ZNF469: variants seen among roughly 807,000 people sequenced by gnomAD.
The protein encoded by ZNF469 is zinc finger protein 469.
ZNF469 carries 1 observed loss-of-function variant against 1.0 expected under a neutral mutation model. The ratio of observed to expected loss-of-function variants is 1.00; its 90% CI spans 0.35 to 4.73. The LOEUF (loss-of-function observed/expected upper bound fraction) is 4.73. Among genes scored for constraint, ZNF469 ranks in the 30% most tolerant of loss-of-function variants. The pLI is 0.16. For synonymous variants in ZNF469, 2,703 were observed against 2,363.4 expected (o/e 1.14, Z -4.17); for missense variants, 6,100 against 5,356.3 (o/e 1.14, Z -4.33).
the ZNF469 span, among the ~76,000 whole-genome samples, chr16:88,120,592 C>G: frequency 2.0e-5 from 3 of 152,222 alleles, no homozygotes; most frequent in Non-Finnish European, 4.4e-5. Flanking sequence ...GAGGCGAGAG[C>G]CCTCAACCAG....
chr16:88,265,015 G>A, the ZNF469 span, among the ~76,000 whole-genome samples: 1 of 152,014 alleles, frequency 6.6e-6, no homozygotes, highest in South Asian at 2.1e-4. Context: ...GATTTCCTCT[G>A]GCGCTGACCT....
At chr16:88,379,185 C>T (rs564977823), upstream of ZNF469, among the ~76,000 whole-genome samples, 6 of 152,274 alleles carry the variant, frequency 3.9e-5, no homozygotes, top group East Asian at 1.9e-4. Flanking sequence ...CAGGAAACCT[C>T]GCCCCCCGAG....
chr16:88,224,343 G>T, the ZNF469 span, among the ~76,000 whole-genome samples: 1,486 of 152,342 alleles, frequency 9.8e-3, 21 homozygotes, highest in African/African-American at 0.034. Context: ...GCACCGCGGG[G>T]CCCCGCAGGT....
chr16:88,117,573 C>CGGACCTTGGAGGTGCCACGTGCCTTCGG, the ZNF469 span, among the ~76,000 whole-genome samples: 2 of 22,200 alleles, frequency 9.0e-5, no homozygotes, highest in Non-Finnish European at 1.8e-4. Flanking sequence ...CGTGCCTTCA[C>CGGACCTTGGAGGTGCCACGTGCCTTCGG]GGACCGTGGA....
chr16:88,374,029 G>T, the ZNF469 span, among the ~76,000 whole-genome samples: 1 of 151,928 alleles, frequency 6.6e-6, no homozygotes, highest in Non-Finnish European at 1.5e-5. Context: ...GGCTTTAAGT[G>T]TCAGAGATAT....
At chr16:88,384,039 G>C (rs756539924) in intron 1 of ZNF469, among the ~76,000 whole-genome samples, 1 of 152,238 alleles carries the variant, frequency 6.6e-6, no homozygotes, top group East Asian at 1.9e-4. Context: ...GGCGGGGGCG[G>C]GGGGGCAGCT....
chr16:88,198,452 T>C, the ZNF469 span, among the ~76,000 whole-genome samples: 3 of 152,244 alleles, frequency 2.0e-5, no homozygotes, highest in East Asian at 3.8e-4. Context: ...ATTCTAGATC[T>C]GCACTGTCCA....
At chr16:88,297,530 G>A in the ZNF469 span, among the ~76,000 whole-genome samples, 4 of 152,170 alleles carry the variant, frequency 2.6e-5, no homozygotes, top group Non-Finnish European at 4.4e-5. Flanking sequence ...CACGGCACAC[G>A]GCAAGTGGGA....
At chr16:88,369,815 G>A in the ZNF469 span, among the ~76,000 whole-genome samples, 37 of 152,140 alleles carry the variant, frequency 2.4e-4, no homozygotes, top group African/African-American at 8.9e-4. Context: ...CCACCCCCGC[G>A]ACCCCCAGCC....
chr16:88,360,844 C>G, the ZNF469 span, among the ~76,000 whole-genome samples: 78 of 152,244 alleles, frequency 5.1e-4, no homozygotes, highest in East Asian at 0.014. Context: ...CCCGACACCC[C>G]CTGTTACAGT....
chr16:88,323,869 T>G, the ZNF469 span, among the ~76,000 whole-genome samples: 1 of 152,192 alleles, frequency 6.6e-6, no homozygotes. Context: ...CTACAGATGG[T>G]GACAGGGAGA....
the ZNF469 span, among the ~76,000 whole-genome samples, chr16:88,207,969 AAGTATTTTGTG>A: frequency 6.6e-6 from 1 of 152,158 alleles, no homozygotes; most frequent in African/African-American, 2.4e-5. Flanking sequence ...CAGACTTAAT[AAGTATTTTGTG>A]AGCTGCCTTT....
the ZNF469 span, among the ~76,000 whole-genome samples, chr16:88,159,321 T>C: frequency 6.6e-6 from 1 of 152,096 alleles, no homozygotes; most frequent in East Asian, 1.9e-4. Context: ...GTGGAAAAGA[T>C]CAGGAGCGAT....
the ZNF469 span, among the ~76,000 whole-genome samples, chr16:88,317,105 C>T: frequency 6.6e-6 from 1 of 152,226 alleles, no homozygotes; most frequent in Non-Finnish European, 1.5e-5. Flanking sequence ...GAGAGCGCCA[C>T]ATGGGCAGCC....
chr16:88,416,909 G>A (rs77767220), intron 1 of ZNF469, among the ~76,000 whole-genome samples: 9,513 of 152,250 alleles, frequency 0.062, 351 homozygotes, highest in African/African-American at 0.077. Context: ...TCCTGCGGTC[G>A]GCGTCTACCC....
At chr16:88,403,098 G>A (rs1904930036) in intron 1 of ZNF469, among the ~76,000 whole-genome samples, 1 of 152,192 alleles carries the variant, frequency 6.6e-6, no homozygotes, top group African/African-American at 2.4e-5. Flanking sequence ...AGAGGTGTGG[G>A]AGGGATCGGG....
At chr16:88,138,956 C>G in the ZNF469 span, among the ~76,000 whole-genome samples, 1 of 152,240 alleles carries the variant, frequency 6.6e-6, no homozygotes, top group Non-Finnish European at 1.5e-5. Flanking sequence ...AGGGAGGCCT[C>G]TGGTGAAACG....
chr16:88,164,644 G>C, the ZNF469 span, among the ~76,000 whole-genome samples: 1 of 152,206 alleles, frequency 6.6e-6, no homozygotes, highest in Non-Finnish European at 1.5e-5. Context: ...TGACAGCACA[G>C]TGCCTTCCCT....
At chr16:88,311,219 A>G in the ZNF469 span, among the ~76,000 whole-genome samples, 7 of 152,336 alleles carry the variant, frequency 4.6e-5, no homozygotes, top group African/African-American at 1.7e-4. Context: ...ACATCCCCTC[A>G]GGGGTCTACA....
Sources: allele counts gnomAD v4.1 joint callset (sites outside exome capture counted in the v4.1 genomes callset), GRCh38; gene constraint gnomAD v4.1.1; transcripts MANE v1.5; gene names NCBI Gene and HGNC (gene_info 2026-07-23, HGNC 2026-07-21).